TMEFF1: variants seen among roughly 807,000 people sequenced by gnomAD.
TMEFF1 encodes the protein tomoregulin-1.
A neutral mutation model predicts 47.5 loss-of-function variants in TMEFF1; 20 were observed. The ratio of observed to expected loss-of-function variants is 0.42; its 90% CI spans 0.30 to 0.61. The LOEUF (loss-of-function observed/expected upper bound fraction) is 0.61, where lower values mean the gene tolerates loss of function less well. TMEFF1 is among the 20% of genes least tolerant of loss of function. TMEFF1 has a pLI of 0.19. For missense variants in TMEFF1, 411 were observed against 471.1 expected (o/e 0.87, Z 1.18); for synonymous variants, 162 against 166.3 (o/e 0.97, Z 0.20).
At chr9:100,484,446 ATAGCTGGGAT>A (rs1279488490) in intron 1 of TMEFF1, among the ~76,000 whole-genome samples, 2 of 151,746 alleles carry the variant, frequency 1.3e-5, no homozygotes, top group African/African-American at 4.8e-5. Context: ...AGACTCTCGA[ATAGCTGGGAT>A]TATAAGCGCC....
chr9:100,533,998 T>TGAGCCACCACTCCCG (rs1326649055), intron 5 of TMEFF1, among the ~76,000 whole-genome samples: 2 of 152,142 alleles, frequency 1.3e-5, no homozygotes, highest in Non-Finnish European at 2.9e-5. Flanking sequence ...ATTACAGGCG[T>TGAGCCACCACTCCCG]GAGCCACCAC....
intron 6 of TMEFF1, among the ~76,000 whole-genome samples, chr9:100,548,748 T>C (rs1838781606): frequency 6.6e-6 from 1 of 152,220 alleles, no homozygotes; most frequent in African/African-American, 2.4e-5. Flanking sequence ...AACAAATTAT[T>C]TGTGACACAC....
At chr9:100,527,743 C>A (rs1185857584) in intron 5 of TMEFF1, among the ~76,000 whole-genome samples, 4 of 152,220 alleles carry the variant, frequency 2.6e-5, no homozygotes, top group Non-Finnish European at 4.4e-5. Flanking sequence ...CCCACCACAG[C>A]TCAAGGAGGC....
intron 5 of TMEFF1, among the ~76,000 whole-genome samples, chr9:100,518,792 A>G (rs531594407): frequency 9.9e-5 from 15 of 152,240 alleles, no homozygotes; most frequent in African/African-American, 3.4e-4. Flanking sequence ...AAAGTTATAT[A>G]GTGGTTATGT....
intron 1 of TMEFF1, among the ~76,000 whole-genome samples, chr9:100,475,864 G>A (rs964202452): frequency 4.0e-5 from 6 of 151,626 alleles, no homozygotes; most frequent in South Asian, 2.1e-4. Flanking sequence ...GTGTGTGTGC[G>A]TGTGAAGCCT....
chr9:100,556,930 T>C (rs1217373283), intron 7 of TMEFF1, among the ~76,000 whole-genome samples: 1 of 151,772 alleles, frequency 6.6e-6, no homozygotes, highest in Non-Finnish European at 1.5e-5. Flanking sequence ...ACTGCAACCT[T>C]CCACCTCCTG....
intron 1 of TMEFF1, among the ~76,000 whole-genome samples, chr9:100,493,256 A>G (rs1837589562): frequency 6.6e-6 from 1 of 152,128 alleles, no homozygotes; most frequent in Non-Finnish European, 1.5e-5. Flanking sequence ...TAGTGCCCAG[A>G]CTGAGAAACC....
At position 100,575,527 on chromosome 9, in the gene TMEFF1, TTTAAAA is replaced by T. The variant is rs947979669; in HGVS notation, c.1059-987_1059-982del. The stretch of plus-strand genomic sequence containing the variant: ...ATTCCAACTCTGTCTACCTCACACT[TTTAAAA>T]TGAGGATTAGTGAGGTAAAACCATA... On this transcript the variant is annotated intron_variant, in intron 9 of 9. Transcript: ENST00000374879. 5.9e-5 allele frequency among the ~76,000 whole-genome samples: 9 copies of T among 152,300 alleles called. No homozygotes were observed. The South Asian group carries it at 6.2e-4, about 11-fold the overall frequency.
intron 3 of TMEFF1, among the ~76,000 whole-genome samples, chr9:100,512,714 C>G (rs1318695880): frequency 6.6e-6 from 1 of 152,260 alleles, no homozygotes; most frequent in South Asian, 2.1e-4. Context: ...ATTTCACTAG[C>G]GACAAGTCAG....
chr9:100,517,873 G>A (rs1012413182), intron 5 of TMEFF1, among the ~76,000 whole-genome samples: 1 of 152,120 alleles, frequency 6.6e-6, no homozygotes, highest in African/African-American at 2.4e-5. Flanking sequence ...ATATTATGCT[G>A]TTTCTTCCTT....
chr9:100,545,945 A>G (rs998275204), intron 5 of TMEFF1, among the ~76,000 whole-genome samples: 54 of 152,304 alleles, frequency 3.5e-4, no homozygotes, highest in African/African-American at 1.3e-3. Flanking sequence ...TGATCACCTC[A>G]GCCTGGACTT....
At chr9:100,491,366 G>A (rs952711199) in intron 1 of TMEFF1, among the ~76,000 whole-genome samples, 5 of 152,156 alleles carry the variant, frequency 3.3e-5, no homozygotes, top group Non-Finnish European at 4.4e-5. Context: ...CATCTAGACA[G>A]TCAGTATAAA....
intron 5 of TMEFF1, among the ~76,000 whole-genome samples, chr9:100,528,339 T>C (rs1838306438): frequency 6.7e-6 from 1 of 148,688 alleles, no homozygotes; most frequent in South Asian, 2.2e-4. Flanking sequence ...GTTGAAAACT[T>C]TGAAAAAAAT....
intron 7 of TMEFF1, among the ~76,000 whole-genome samples, chr9:100,553,081 A>G (rs1364947776): frequency 6.6e-6 from 1 of 152,200 alleles, no homozygotes; most frequent in Non-Finnish European, 1.5e-5. Flanking sequence ...CAGAAGCTAC[A>G]AGGGAAAGGA....
At chr9:100,480,774 A>G (rs902045842) in intron 1 of TMEFF1, among the ~76,000 whole-genome samples, 1 of 152,238 alleles carries the variant, frequency 6.6e-6, no homozygotes, top group Non-Finnish European at 1.5e-5. Flanking sequence ...GCTAAAATAG[A>G]TATCATTTTA....
At position 100,517,754 on chromosome 9, in the gene TMEFF1, A is replaced by G. The variant is rs10989126; in HGVS notation, c.560+983A>G. On this transcript the variant is annotated intron_variant, in intron 5 of 9. Coordinates refer to ENST00000374879, the MANE Select transcript of TMEFF1 (RefSeq NM_003692.5). ...AGATTGACCCATGTCCATTCATTTC[A>G]TTCAGAGTGGTTTGATTTGGAAGAA... is the stretch of plus-strand genomic sequence containing the variant. Among the ~76,000 whole-genome samples the G allele has an allele frequency of 2.5e-3, 385 of 152,324 alleles. 15 individuals carry two copies. In the East Asian group the frequency reaches 0.067, roughly 27 times the overall value.
intron 8 of TMEFF1, 137 bp from the exon 9 acceptor site, chr9:100,572,381 T>C (rs2118581958): frequency 8.2e-6 from 8 of 977,848 alleles, no homozygotes; most frequent in Admixed American, 3.8e-5. Context: ...ATGACATTTT[T>C]CCCCCAGATG....
At chr9:100,502,088 A>G (rs939817345) in intron 2 of TMEFF1, among the ~76,000 whole-genome samples, 2 of 152,214 alleles carry the variant, frequency 1.3e-5, no homozygotes, top group East Asian at 1.9e-4. Flanking sequence ...ATTTCCTTCT[A>G]GAAGTATTTT....
intron 9 of TMEFF1, among the ~76,000 whole-genome samples, chr9:100,575,007 T>C (rs1025111413): frequency 6.6e-5 from 10 of 152,222 alleles, no homozygotes; most frequent in African/African-American, 2.2e-4. Context: ...GTCTCTACGA[T>C]TGAAGAGTCA....
Sources: allele counts gnomAD v4.1 joint callset (sites outside exome capture counted in the v4.1 genomes callset), GRCh38; gene constraint gnomAD v4.1.1; transcripts MANE v1.5; gene names NCBI Gene and HGNC (gene_info 2026-07-23, HGNC 2026-07-21).